Variants in PCDH17 observed in about 807,000 individuals in gnomAD.
PCDH17 encodes protocadherin 17, also known as protocadherin-17.
PCDH17 carries 21 observed loss-of-function variants against 67.7 expected under a neutral mutation model. That is an observed-to-expected ratio of 0.31 (90% CI 0.22 to 0.45). The LOEUF is 0.45. Among genes scored for constraint, PCDH17 ranks in the 20% least tolerant of loss-of-function variants. The pLI, the probability that PCDH17 is intolerant of heterozygous loss-of-function variation, is 1.00. For missense variants in PCDH17, 1,471 were observed against 1,564.8 expected, an observed-to-expected ratio of 0.94 and a Z score of 1.01; for synonymous variants, 701 against 656.7, an observed-to-expected ratio of 1.07 and a Z score of -1.03.
chr13:57,719,108 C>CTTA (rs1240989712), intron 3 of PCDH17, among the ~76,000 whole-genome samples: 1 of 151,832 alleles, frequency 6.6e-6, no homozygotes, highest in Non-Finnish European at 1.5e-5. Context: ...ATTATGAAAG[C>CTTA]TTACATTGTT....
At chr13:57,716,721 G>A (rs372887941) in intron 3 of PCDH17, among the ~76,000 whole-genome samples, 3 of 151,712 alleles carry the variant, frequency 2.0e-5, no homozygotes, top group South Asian at 2.1e-4. Flanking sequence ...TAAACTCATC[G>A]GTAAAGAGAT....
intron 3 of PCDH17, among the ~76,000 whole-genome samples, chr13:57,676,037 A>G (rs1955387958): frequency 6.6e-6 from 1 of 151,944 alleles, no homozygotes; most frequent in South Asian, 2.1e-4. Context: ...TTGGGATAAG[A>G]AATTCTAAAG....
At chr13:57,715,408 G>A (rs1297348786) in intron 3 of PCDH17, among the ~76,000 whole-genome samples, 1 of 151,840 alleles carries the variant, frequency 6.6e-6, no homozygotes, top group African/African-American at 2.4e-5. Flanking sequence ...CATTGAGTGT[G>A]TCATATATTC....
chr13:57,715,124 A>G (rs1955806893), intron 3 of PCDH17, among the ~76,000 whole-genome samples: 1 of 151,802 alleles, frequency 6.6e-6, no homozygotes, highest in Non-Finnish European at 1.5e-5. Context: ...AGATAACTTT[A>G]TATTTTCTAT....
intron 2 of PCDH17, 60 bp from the exon 3 acceptor site, chr13:57,666,601 C>T: frequency 6.2e-7 from 1 of 1,605,390 alleles, no homozygotes; most frequent in East Asian, 2.2e-5. Flanking sequence ...AGAGACTACA[C>T]TTCAGATTCA....
chr13:57,722,302 C>G (rs1344975762), intron 3 of PCDH17, among the ~76,000 whole-genome samples: 2 of 152,040 alleles, frequency 1.3e-5, no homozygotes, highest in Admixed American at 6.6e-5. Context: ...AAAGGCCAGT[C>G]AATATGAAAC....
At chr13:57,674,755 T>C (rs1415516746) in intron 3 of PCDH17, among the ~76,000 whole-genome samples, 2 of 152,004 alleles carry the variant, frequency 1.3e-5, no homozygotes, top group African/African-American at 2.4e-5. Flanking sequence ...CTTAAGGAAA[T>C]AATTTTGTTA....
rs781258469 is a variant in PCDH17, at chr13:57,728,596, C to A, written c.*3302C>A. ...AAGTAGTGAGAATCTGTTAGTTATACGTATACCAAAGTAAACATTAAAGAG... is the reference window on the plus strand; with the variant it reads ...AAGTAGTGAGAATCTGTTAGTTATAAGTATACCAAAGTAAACATTAAAGAG... On this transcript the variant is annotated 3_prime_UTR_variant, in exon 4 of 4. Transcript: ENST00000377918. 2 of 148,608 alleles carry A rather than the reference C, an allele frequency of 1.3e-5. No homozygotes were observed. Among genetic ancestry groups the A allele is most frequent in the African/African-American group, 5.0e-5 (2 of 40,352 alleles). The allele number at this position is 148,608 out of a possible 1,614,324, so 9.2% of individuals were successfully genotyped here.
intron 3 of PCDH17, 77 bp from the exon 4 acceptor site, chr13:57,724,535 G>C: frequency 8.5e-7 from 1 of 1,179,758 alleles, no homozygotes; most frequent in African/African-American, 1.5e-5. Context: ...AGCCCATTGA[G>C]AGCTGATCAC....
Position 57,633,269 on chromosome 13 carries a change from G to A in PCDH17, c.723G>A (p.Pro241=). 1 of 1,613,312 alleles carries A rather than the reference G, an allele frequency of 6.2e-7. No homozygotes were observed. Among genetic ancestry groups the A allele is most frequent in the Non-Finnish European group, 8.5e-7 (1 of 1,180,010 alleles). ...VKVIDSNDNS[P]VFEAPSYLVE... ...TGATTGACTCCAACGACAACAGCCC[G>A]GTCTTCGAGGCGCCATCCTACTTGG... The change falls in exon 1 of 4, where the codon CCG becomes CCA. Residue 241 remains proline, a synonymous_variant. Transcript: ENST00000377918. This position sits in a 1 kb window ranked among gnomAD's most constrained non-coding sequence, Gnocchi z 6.2.
chr13:57,689,267 G>A (rs1955535225), intron 3 of PCDH17, among the ~76,000 whole-genome samples: 1 of 152,006 alleles, frequency 6.6e-6, no homozygotes, highest in Non-Finnish European at 1.5e-5. Flanking sequence ...AGCACAACCA[G>A]AAGCTCCCTG....
chr13:57,685,395 G>A (rs1419389103), intron 3 of PCDH17, among the ~76,000 whole-genome samples: 1 of 151,882 alleles, frequency 6.6e-6, no homozygotes, highest in Admixed American at 6.6e-5. Flanking sequence ...TTTGCATTGA[G>A]TCAACAGCTA....
chr13:57,635,368 T>C (rs529312231), intron 1 of PCDH17, among the ~76,000 whole-genome samples: 2 of 151,912 alleles, frequency 1.3e-5, no homozygotes, highest in Admixed American at 6.5e-5. Flanking sequence ...GGTTTAAAAA[T>C]GTTAGCAGTG....
chr13:57,698,620 T>A (rs1955633652), intron 3 of PCDH17, among the ~76,000 whole-genome samples: 1 of 151,978 alleles, frequency 6.6e-6, no homozygotes, highest in South Asian at 2.1e-4. Flanking sequence ...GAAATAAGTT[T>A]ACCTATTCCG....
intron 1 of PCDH17, among the ~76,000 whole-genome samples, chr13:57,643,084 T>G (rs1954923443): frequency 6.6e-6 from 1 of 151,632 alleles, no homozygotes; most frequent in South Asian, 2.1e-4. Context: ...AACTGAATAC[T>G]TGATATATTT....
At chr13:57,697,474 C>A (rs1209965454) in intron 3 of PCDH17, among the ~76,000 whole-genome samples, 1 of 151,470 alleles carries the variant, frequency 6.6e-6, no homozygotes, top group East Asian at 1.9e-4. Context: ...GCAAAATAGG[C>A]TAAATGATGT....
At chr13:57,718,203 C>A (rs573866617) in intron 3 of PCDH17, among the ~76,000 whole-genome samples, 22 of 152,010 alleles carry the variant, frequency 1.4e-4, no homozygotes, top group African/African-American at 5.1e-4. Flanking sequence ...TTTTCTTACA[C>A]AACCCTGTTC....
intron 3 of PCDH17, among the ~76,000 whole-genome samples, chr13:57,714,585 A>C (rs1323778356): frequency 6.6e-6 from 1 of 151,772 alleles, no homozygotes; most frequent in Non-Finnish European, 1.5e-5. Flanking sequence ...TGGGTCTGAA[A>C]TTCACAGTAT....
At chr13:57,654,918 A>G (rs1429125927) in intron 1 of PCDH17, among the ~76,000 whole-genome samples, 3 of 151,884 alleles carry the variant, frequency 2.0e-5, no homozygotes, top group Non-Finnish European at 4.4e-5. Flanking sequence ...TGGTCATGTC[A>G]GAGGTTGTCT....
Sources: allele counts gnomAD v4.1 joint callset (sites outside exome capture counted in the v4.1 genomes callset), GRCh38; gene constraint gnomAD v4.1.1; non-coding constraint Gnocchi (gnomAD v3.1); transcripts MANE v1.5; gene names NCBI Gene and HGNC (gene_info 2026-07-23, HGNC 2026-07-21).